Variants in LRRC7 observed in about 807,000 individuals in gnomAD.
The protein encoded by LRRC7 is leucine rich repeat containing 7, also known as leucine-rich repeat-containing protein 7.
In LRRC7, 23 loss-of-function variants were observed where a neutral mutation model predicts 175.7. The observed-to-expected ratio is 0.13, with a 90% CI of 0.09 to 0.19. The LOEUF is 0.19. Ranked by LOEUF, LRRC7 falls within the 10% of genes least tolerant of loss-of-function variation. The probability of loss-of-function intolerance (pLI) is 1.00; values close to 1 mark genes in which losing one functional copy is unlikely to be tolerated. For missense variants in LRRC7, 1,354 were observed against 1,904.7 expected (o/e 0.71, Z 5.38); for synonymous variants, 685 against 680.9 (o/e 1.01, Z -0.09).
chr1:69,755,291 G>C (rs999188106), intron 2 of LRRC7, among the ~76,000 whole-genome samples: 6 of 150,646 alleles, frequency 4.0e-5, no homozygotes, highest in Admixed American at 2.7e-4. Flanking sequence ...CTTTCCTAAT[G>C]CATCTATTCT....
chr1:70,120,221 T>C (rs1473380700), intron 26 of LRRC7, among the ~76,000 whole-genome samples: 8 of 152,116 alleles, frequency 5.3e-5, no homozygotes, highest in Admixed American at 5.2e-4. Flanking sequence ...AAACTTCTAC[T>C]CAACTACTGT....
chr1:69,945,901 T>C (rs1039416439), intron 8 of LRRC7, among the ~76,000 whole-genome samples: 6 of 152,154 alleles, frequency 3.9e-5, no homozygotes, highest in Non-Finnish European at 8.8e-5. Context: ...GGGCTTTCCA[T>C]ATACAAGAGC....
At chr1:69,975,517 T>C (rs1391051429) in intron 8 of LRRC7, among the ~76,000 whole-genome samples, 2 of 152,280 alleles carry the variant, frequency 1.3e-5, no homozygotes, top group East Asian at 3.9e-4. Flanking sequence ...TATTTTCTCC[T>C]AGACTCAGTT....
rs917909822 is a variant in LRRC7, at chr1:70,135,873, A to G, written c.*13986A>G. Among the ~76,000 whole-genome samples, 10 of 152,228 alleles carry G rather than the reference A, an allele frequency of 6.6e-5. No homozygotes were observed. Among genetic ancestry groups the G allele is most frequent in the Non-Finnish European group, 2.9e-5 (2 of 68,030 alleles). On this transcript the variant is annotated 3_prime_UTR_variant, in exon 27 of 27. Coordinates refer to ENST00000651989, the MANE Select transcript of LRRC7 (RefSeq NM_001370785.2). ...ACTTGTAGAATCGTTTGACTAAGCA[A>G]CGGGTATCTTGCACTTGATAGGTTC...
rs1273729693 is a variant in LRRC7, at chr1:70,129,203, C to T, written c.*7316C>T. On this transcript the variant is annotated 3_prime_UTR_variant, in exon 27 of 27. Transcript: ENST00000651989. ...CGGAGGTTGCAGTGAGCTGAGATGG[C>T]GCCACAGCTCTCCAGCCTGGGTGAC... is the stretch of plus-strand genomic sequence containing the variant. Among the ~76,000 whole-genome samples the T allele has an allele frequency of 1.3e-5, 2 of 150,434 alleles. No homozygotes were observed. The highest frequency in any genetic ancestry group is 2.0e-4 in the East Asian group (1 of 5,114).
chr1:69,674,114 T>G (rs1013618481), intron 1 of LRRC7, among the ~76,000 whole-genome samples: 3 of 152,178 alleles, frequency 2.0e-5, no homozygotes, highest in African/African-American at 7.2e-5. Context: ...CCTCAAGTGA[T>G]TCTCTCACCT....
chr1:69,769,506 AT>A (rs1250737825), intron 3 of LRRC7, among the ~76,000 whole-genome samples: 3 of 152,204 alleles, frequency 2.0e-5, no homozygotes, highest in African/African-American at 7.2e-5. Context: ...CACAAAAATT[AT>A]TTTAAAATAT....
chr1:69,904,624 T>A (rs1416288784), intron 7 of LRRC7, among the ~76,000 whole-genome samples: 2 of 152,228 alleles, frequency 1.3e-5, no homozygotes, highest in Non-Finnish European at 2.9e-5. Flanking sequence ...CTATTTCTTT[T>A]TAACTTATTT....
intron 7 of LRRC7, among the ~76,000 whole-genome samples, chr1:69,897,504 A>G (rs1327793159): frequency 6.6e-6 from 1 of 152,092 alleles, no homozygotes; most frequent in Non-Finnish European, 1.5e-5. Flanking sequence ...TGGTATTTCC[A>G]TGAGGGCAGA....
rs1657643971 is a variant in LRRC7, at chr1:69,662,622, G to C, written c.3-15759G>C. 2.6e-5 allele frequency among the ~76,000 whole-genome samples: 4 copies of C among 152,202 alleles called. No individual in the cohort carries two copies. The South Asian group carries it at 8.3e-4, about 32-fold the overall frequency. On this transcript the variant is annotated intron_variant, in intron 1 of 26. Transcript: ENST00000651989. The stretch of plus-strand genomic sequence containing the variant: ...AGCAGTTTAGGTGTGGTTAACATGT[G>C]GTTTCTTTTCACACTAATCTTGCCA...
chr1:69,783,946 T>C (rs1674099677), intron 3 of LRRC7, among the ~76,000 whole-genome samples: 1 of 152,024 alleles, frequency 6.6e-6, no homozygotes, highest in Non-Finnish European at 1.5e-5. Context: ...AGATGTATAT[T>C]AGAATATTCT....
chr1:69,811,871 T>C (rs891237212), intron 4 of LRRC7, among the ~76,000 whole-genome samples: 1 of 130,132 alleles, frequency 7.7e-6, no homozygotes. Context: ...TATACCTATG[T>C]AACAAACCTG....
At chr1:69,721,303 A>G (rs1038311274) in intron 2 of LRRC7, among the ~76,000 whole-genome samples, 1 of 151,896 alleles carries the variant, frequency 6.6e-6, no homozygotes, top group African/African-American at 2.4e-5. Flanking sequence ...ACAAATGTAT[A>G]ATGACTTATA....
intron 7 of LRRC7, among the ~76,000 whole-genome samples, chr1:69,910,997 G>A (rs9660104): frequency 0.037 from 5,559 of 152,286 alleles, 144 homozygotes; most frequent in Middle Eastern, 0.075. Flanking sequence ...AGGACCCTCC[G>A]AGTCATGTGG....
chr1:69,983,870 T>A (rs1435714207), intron 9 of LRRC7, among the ~76,000 whole-genome samples: 1 of 152,166 alleles, frequency 6.6e-6, no homozygotes, highest in Non-Finnish European at 1.5e-5. Flanking sequence ...TAATCTCCAA[T>A]ATTTAATATG....
intron 11 of LRRC7, among the ~76,000 whole-genome samples, chr1:69,995,942 T>C (rs1213144565): frequency 4.7e-5 from 7 of 149,698 alleles, no homozygotes; most frequent in African/African-American, 1.7e-4. Flanking sequence ...CTGGGTCAAA[T>C]GGTATTTCTA....
intron 22 of LRRC7, among the ~76,000 whole-genome samples, chr1:70,046,700 T>A (rs1660358090): frequency 6.6e-6 from 1 of 152,116 alleles, no homozygotes; most frequent in South Asian, 2.1e-4. Context: ...AGGCACTGGA[T>A]AGTTAATCAG....
chr1:70,054,578 CTTTTTTTTTTTTTTTTTTTTTT>C (rs35639787), intron 23 of LRRC7, among the ~76,000 whole-genome samples: 7 of 53,798 alleles, frequency 1.3e-4, no homozygotes, highest in Non-Finnish European at 3.5e-5. Flanking sequence ...TTACACTCTA[CTTTTTTTTTTTTTTTTTTTTTT>C]TTTTTTTTTG....
chr1:69,791,923 CT>C, intron 3 of LRRC7, 119 bp from the exon 4 acceptor site: 1 of 622,856 alleles, frequency 1.6e-6, no homozygotes, highest in African/African-American at 1.9e-5. Flanking sequence ...GGAAGTGAGG[CT>C]TTTATAACTG....
Sources: allele counts gnomAD v4.1 joint callset (sites outside exome capture counted in the v4.1 genomes callset), GRCh38; gene constraint gnomAD v4.1.1; transcripts MANE v1.5; gene names NCBI Gene and HGNC (gene_info 2026-07-23, HGNC 2026-07-21).